Variants in MANBA observed in about 807,000 individuals in gnomAD.
MANBA encodes the protein beta-mannosidase.
In MANBA, 83 loss-of-function variants were observed where a neutral mutation model predicts 111.1. That is an observed-to-expected ratio of 0.75 (90% CI 0.63 to 0.90). The LOEUF (loss-of-function observed/expected upper bound fraction) is 0.90, where lower values mean the gene tolerates loss of function less well. Among genes scored for constraint, MANBA ranks in the 40% least tolerant of loss-of-function variants. The pLI is 0.00. For missense variants in MANBA, 1,036 were observed against 1,069.0 expected (o/e 0.97, Z 0.43); for synonymous variants, 370 against 378.7 (o/e 0.98, Z 0.27).
chr4:102,715,100 C>T lies in MANBA; in HGVS notation c.550-539G>A, dbSNP rs924837129. 5.3e-5 allele frequency among the ~76,000 whole-genome samples: 8 copies of T among 152,268 alleles called. No individual in the cohort carries two copies. In the Middle Eastern group the frequency reaches 0.01, roughly 194 times the overall value. ...CACAATGATCCCCCCTTTGAAGTGA[C>T]CTAGTGAATCACTTCTAACCACCAG... On this transcript the variant is annotated intron_variant, in intron 4 of 16. Transcript: ENST00000647097.
chr4:102,749,713 T>C (rs1195478840), intron 1 of MANBA, among the ~76,000 whole-genome samples: 1 of 152,172 alleles, frequency 6.6e-6, no homozygotes, highest in East Asian at 1.9e-4. Flanking sequence ...TTCCAGAGGG[T>C]TGTTGCTGAA....
chr4:102,701,061 T>G (rs898938825), intron 5 of MANBA, among the ~76,000 whole-genome samples: 13 of 152,314 alleles, frequency 8.5e-5, no homozygotes, highest in Non-Finnish European at 1.5e-4. Context: ...GGTGCATATA[T>G]ATTTAGGATA....
chr4:102,726,665 T>C lies in MANBA; in HGVS notation c.196A>G (p.Asn66Asp). Residue 66 changes from asparagine (N) to aspartate (D), a missense_variant, in exon 2 of 17, where the codon AAT becomes GAT. Transcript: ENST00000647097. ...GAGACCCATCTGTAGTTAAGGTCAT[T>C]AAATCTGTAGTAAGAATCCTGTTGA... ...GLIQDSYYRF[N>D]DLNYRWVSLD... 1 of 1,553,592 alleles carries C rather than the reference T, an allele frequency of 6.4e-7. No individual in the cohort carries two copies. Among genetic ancestry groups the C allele is most frequent in the Non-Finnish European group, 8.9e-7 (1 of 1,125,610 alleles).
At chr4:102,730,446 G>A (rs758665710) in intron 1 of MANBA, 77 of 490,936 alleles carry the variant, frequency 1.6e-4, no homozygotes, top group Non-Finnish European at 2.6e-4. Flanking sequence ...CAGAGTATTC[G>A]GGGTAAGGGT....
chr4:102,657,232 GTGGGC>G (rs1730602908), intron 12 of MANBA, among the ~76,000 whole-genome samples: 2 of 106,462 alleles, frequency 1.9e-5, no homozygotes, highest in African/African-American at 3.3e-5. Flanking sequence ...TGGGGGGGGG[GTGGGC>G]GGTGGTAATG....
In MANBA at chr4:102,744,447, T is replaced by C. The variant is rs138030451; in HGVS notation, c.177+16271A>G. On this transcript the variant is annotated intron_variant, in intron 1 of 16. Coordinates refer to ENST00000647097, the MANE Select transcript of MANBA (RefSeq NM_005908.4). ...ATCAAAGTCTCTTCGAACAAGATTATGACATAAAACCAGAGAGTTGATATG... is the reference window on the plus strand; with the variant it reads ...ATCAAAGTCTCTTCGAACAAGATTACGACATAAAACCAGAGAGTTGATATG... Among the ~76,000 whole-genome samples, 9 of 152,360 alleles carry C rather than the reference T, an allele frequency of 5.9e-5. No individual in the cohort carries two copies. The East Asian group carries it at 1.7e-3, about 29-fold the overall frequency.
intron 14 of MANBA, among the ~76,000 whole-genome samples, chr4:102,639,338 C>A (rs1227457361): frequency 1.3e-5 from 2 of 152,204 alleles, no homozygotes; most frequent in Non-Finnish European, 2.9e-5. Context: ...TGATTGAATT[C>A]TCCAACACAG....
chr4:102,639,662 C>T lies in MANBA; in HGVS notation c.2014+51G>A, dbSNP rs1323443159. ...AGCACTGTGCTTTCTCAGTCCCTCT[C>T]CCCACAGTGTTGCTTTCTCTCACTC... On this transcript the variant is annotated intron_variant, in intron 14 of 16. Coordinates refer to ENST00000647097, the MANE Select transcript of MANBA (RefSeq NM_005908.4). The T allele has an allele frequency of 2.5e-6, 4 of 1,611,212 alleles. No homozygotes were observed. The South Asian group carries it at 4.4e-5, about 18-fold the overall frequency.
intron 14 of MANBA, 32 bp downstream of exon 14, chr4:102,639,681 C>T: frequency 6.2e-7 from 1 of 1,613,946 alleles, no homozygotes; most frequent in South Asian, 1.1e-5. Flanking sequence ...GTTGCTTTCT[C>T]TCACTCGCAC....
intron 14 of MANBA, 115 bp from the exon 15 acceptor site, chr4:102,636,122 G>A: frequency 1.1e-6 from 1 of 912,174 alleles, no homozygotes; most frequent in Non-Finnish European, 1.8e-6. Flanking sequence ...GCATGTGAGG[G>A]AGAGTCAACA....
At chr4:102,760,218 G>A (rs1335495225) in intron 1 of MANBA, among the ~76,000 whole-genome samples, 4 of 152,122 alleles carry the variant, frequency 2.6e-5, no homozygotes, top group Admixed American at 6.5e-5. Flanking sequence ...ACTCTTGTAG[G>A]TCATTCTCCA....
Position 102,677,207 on chromosome 4 carries a change from A to G in MANBA, c.961-3137T>C, listed in dbSNP as rs80121243. Among the ~76,000 whole-genome samples the G allele has an allele frequency of 0.011, 1,658 of 152,308 alleles. 137 individuals carry two copies. In the East Asian group the frequency reaches 0.23, roughly 21 times the overall value. On this transcript the variant is annotated intron_variant, in intron 7 of 16. Coordinates refer to ENST00000647097, the MANE Select transcript of MANBA (RefSeq NM_005908.4). ...ATTCAGACTTGGATACCTGGCAGAC[A>G]TTCTCTAGAAAATGAATGGAGTGAG...
intron 5 of MANBA, among the ~76,000 whole-genome samples, chr4:102,693,401 G>A (rs975983068): frequency 6.6e-6 from 1 of 152,174 alleles, no homozygotes; most frequent in Non-Finnish European, 1.5e-5. Context: ...TAAGGGTGGG[G>A]CAGTAATCTG....
chr4:102,694,668 C>T lies in MANBA; in HGVS notation c.674-3897G>A, dbSNP rs572091262. Reference sequence around the variant, plus strand: ...GGGCAGGAAAGAAGGATTGCTACATCTTCTAGAATCCCCTACAGAGCTCAT... The same window carrying T: ...GGGCAGGAAAGAAGGATTGCTACATTTTCTAGAATCCCCTACAGAGCTCAT... On this transcript the variant is annotated intron_variant, in intron 5 of 16. Coordinates refer to ENST00000647097, the MANE Select transcript of MANBA (RefSeq NM_005908.4). Among the ~76,000 whole-genome samples, 94 of 152,184 alleles carry T rather than the reference C, an allele frequency of 6.2e-4. 1 individual carries two copies. The highest frequency in any genetic ancestry group is 2.2e-3 in the African/African-American group (91 of 41,546).
At chr4:102,666,410 G>A (rs1424243719) in intron 10 of MANBA, 2 of 152,204 alleles carry the variant, frequency 1.3e-5, no homozygotes, top group African/African-American at 4.8e-5. Flanking sequence ...GACGCAGAGG[G>A]GAATGAGTCC....
chr4:102,707,073 T>C (rs766187906), intron 5 of MANBA, among the ~76,000 whole-genome samples: 1 of 152,030 alleles, frequency 6.6e-6, no homozygotes, highest in Non-Finnish European at 1.5e-5. Context: ...GATAAAAAAA[T>C]CTCAGAGATT....
chr4:102,752,949 C>G (rs958332258), intron 1 of MANBA, among the ~76,000 whole-genome samples: 3 of 152,030 alleles, frequency 2.0e-5, no homozygotes, highest in Non-Finnish European at 2.9e-5. Context: ...CCATTTGTCC[C>G]AATTGCATGT....
rs1159417569 is a variant in MANBA, at chr4:102,639,840, AC to A, written c.1886del (p.Cys629LeufsTer16). ...IYLTQVMQAQ[C>X]VKTETEFYRR... ...GGTAGAATTCAGTTTCTGTTTTGAC[AC>A]ACTGGGCCTGCATCACCTGATTCAG... On this transcript the variant is annotated frameshift_variant, in exon 14 of 17. Transcript: ENST00000647097. LOFTEE classifies it high-confidence loss of function. The A allele has an allele frequency of 1.9e-6, 3 of 1,614,016 alleles. No homozygotes were observed. Among genetic ancestry groups the A allele is most frequent in the Non-Finnish European group, 2.5e-6 (3 of 1,180,018 alleles).
rs552014007 is a variant in MANBA, at chr4:102,721,806, T to C, written c.549+1065A>G. 1.5e-3 allele frequency among the ~76,000 whole-genome samples: 223 copies of C among 152,198 alleles called. 1 individual carries two copies. Among genetic ancestry groups the C allele is most frequent in the African/African-American group, 5.1e-3 (212 of 41,516 alleles). ...ACTTTGGGAGGCCAAAGTGGGCAGA[T>C]TGCTTGAGCCTTAGAGTTAGAGACC... On this transcript the variant is annotated intron_variant, in intron 4 of 16. Transcript: ENST00000647097.
Sources: gnomAD v4.1 joint callset for allele counts (sites outside exome capture counted in the v4.1 genomes callset) on GRCh38, gnomAD v4.1.1 for gene constraint, MANE v1.5 for transcripts, NCBI Gene and HGNC (gene_info 2026-07-23, HGNC 2026-07-21) for gene names.